Variants in ZNF236 observed in about 807,000 individuals in gnomAD.
ZNF236 encodes the protein zinc finger protein 236.
A neutral mutation model predicts 191.2 loss-of-function variants in ZNF236; 50 were observed. The ratio of observed to expected loss-of-function variants is 0.26; its 90% CI spans 0.21 to 0.33. The LOEUF (loss-of-function observed/expected upper bound fraction) is 0.33, where lower values mean the gene tolerates loss of function less well. ZNF236 is among the 10% of genes least tolerant of loss of function. The pLI, the probability that ZNF236 is intolerant of heterozygous loss-of-function variation, is 1.00. For synonymous variants in ZNF236, 907 were observed against 928.8 expected (o/e 0.98, Z 0.43); for missense variants, 1,754 against 2,374.5 (o/e 0.74, Z 5.43).
chr18:76,948,660 T>C (rs1474543711), intron 27 of ZNF236, among the ~76,000 whole-genome samples: 1 of 152,212 alleles, frequency 6.6e-6, no homozygotes, highest in Non-Finnish European at 1.5e-5. Flanking sequence ...CGGACACTGC[T>C]GATTCTCCCA....
In ZNF236 at chr18:76,899,120, A is replaced by C. The variant is rs909421166; in HGVS notation, c.1792A>C (p.Lys598Gln). 2 of 1,614,204 alleles carry C rather than the reference A, an allele frequency of 1.2e-6. No individual in the cohort carries two copies. The highest frequency in any genetic ancestry group is 2.7e-5 in the African/African-American group (2 of 75,064). The change falls in exon 11 of 31, where the codon AAA becomes CAA. Residue 598 changes from lysine to glutamine, a missense_variant. Transcript: ENST00000320610. Reference sequence around the variant, plus strand: ...CCACTTTAAACATACGGAATTAAGGAAAATGAGGCACCAGCGTAAACCTGC... The same window carrying C: ...CCACTTTAAACATACGGAATTAAGGCAAATGAGGCACCAGCGTAAACCTGC... ...ASHFKHTELR[K>Q]MRHQRKPAKV... is the part of the protein sequence containing the mutation.
Position 76,971,984 on chromosome 18 carries a change from TC to T in ZNF236, c.*3647del, listed in dbSNP as rs1043263804. Among the ~76,000 whole-genome samples the T allele has an allele frequency of 6.6e-6, 1 of 152,248 alleles. No homozygotes were observed. Among genetic ancestry groups the T allele is most frequent in the African/African-American group, 2.4e-5 (1 of 41,468 alleles). On this transcript the variant is annotated 3_prime_UTR_variant, in exon 31 of 31. Coordinates refer to ENST00000320610, the MANE Select transcript of ZNF236 (RefSeq NM_001306089.2). ...TTGATCGTTGCGAATGTATCCCTTT[TC>T]CAAGACCTACTGCATAGGAAGTAAG...
At chr18:76,937,094 T>C (rs1968020502) in intron 25 of ZNF236, 62 bp from the exon 26 acceptor site, 4 of 1,522,884 alleles carry the variant, frequency 2.6e-6, no homozygotes, top group South Asian at 2.4e-5. Context: ...GCTCTCCCTA[T>C]GCCCTTACAC....
At chr18:76,944,320 G>A (rs771795273) in intron 26 of ZNF236, among the ~76,000 whole-genome samples, 1 of 152,168 alleles carries the variant, frequency 6.6e-6, no homozygotes, top group Admixed American at 6.5e-5. Context: ...CTTTACCTCA[G>A]TGTAAACCAA....
chr18:76,891,341 A>G (rs1010432727), intron 9 of ZNF236, among the ~76,000 whole-genome samples: 2 of 152,232 alleles, frequency 1.3e-5, no homozygotes, highest in Non-Finnish European at 2.9e-5. Context: ...CATTATGGAA[A>G]GATAACCTCT....
In ZNF236 at chr18:76,956,022, A is replaced by G; in HGVS notation, c.4952A>G (p.Gln1651Arg). ...GVSGNLAPGN[Q>R]PEKEGRAHQC... Reference sequence around the variant, plus strand: ...TCTGGGAACCTGGCCCCGGGCAACCAGCCAGAGAAGGAGGGCCGGGCGCAC... The same window carrying G: ...TCTGGGAACCTGGCCCCGGGCAACCGGCCAGAGAAGGAGGGCCGGGCGCAC... Residue 1651 changes from glutamine (Q) to arginine (R), a missense_variant, in exon 28 of 31, where the codon CAG becomes CGG. By Grantham distance (43) the Gln-to-Arg change is conservative. Coordinates refer to ENST00000320610, the MANE Select transcript of ZNF236 (RefSeq NM_001306089.2). 6.2e-7 allele frequency: 1 copy of G among 1,610,772 alleles called. No homozygotes were observed. The highest frequency in any genetic ancestry group is 8.5e-7 in the Non-Finnish European group (1 of 1,179,612).
At position 76,915,732 on chromosome 18, in the gene ZNF236, C is replaced by T; in HGVS notation, c.3147C>T (p.Ser1049=). The part of the protein sequence containing the change: ...SLTRHMATHM[S]MKPYKCPFCE... ...CCCGGCACATGGCCACACATATGAG[C>T]ATGAAGCCTTATAAGTGTCCGTTTT... The change falls in exon 19 of 31, where the codon AGC becomes AGT. Residue 1049 remains serine, a synonymous_variant. Transcript: ENST00000320610. The T allele has an allele frequency of 6.2e-7, 1 of 1,614,128 alleles. No homozygotes were observed.
intron 5 of ZNF236, among the ~76,000 whole-genome samples, chr18:76,874,753 G>A (rs1477579227): frequency 7.2e-6 from 1 of 138,264 alleles, no homozygotes; most frequent in Non-Finnish European, 1.5e-5. Flanking sequence ...AACCGCCCAG[G>A]CGGCGGATTT....
intron 26 of ZNF236, among the ~76,000 whole-genome samples, chr18:76,939,391 G>A (rs751577381): frequency 2.6e-5 from 4 of 152,140 alleles, no homozygotes; most frequent in Non-Finnish European, 4.4e-5. Flanking sequence ...TGACTGGGGT[G>A]TGCTTTCCTA....
Position 76,871,838 on chromosome 18 carries a change from T to C in ZNF236, c.667+13T>C, listed in dbSNP as rs747002929. 1.2e-6 allele frequency: 2 copies of C among 1,614,088 alleles called. No individual in the cohort carries two copies. The highest frequency in any genetic ancestry group is 1.7e-6 in the Non-Finnish European group (2 of 1,179,978). On this transcript the variant is annotated intron_variant, in intron 5 of 30. Transcript: ENST00000320610. The stretch of plus-strand genomic sequence containing the variant: ...AGGATACACACAGGTATGAAAACAC[T>C]GACTTCTGGATGACTGACCGTGTGG...
chr18:76,956,996 C>T (rs1968539653), intron 28 of ZNF236, among the ~76,000 whole-genome samples: 1 of 152,194 alleles, frequency 6.6e-6, no homozygotes, highest in South Asian at 2.1e-4. Flanking sequence ...AACCCCGTAA[C>T]ATGAGAAAAA....
intron 20 of ZNF236, among the ~76,000 whole-genome samples, chr18:76,922,091 C>T (rs1433063322): frequency 2.0e-5 from 3 of 152,056 alleles, no homozygotes; most frequent in African/African-American, 4.8e-5. Context: ...TATTTTTCTT[C>T]GTCAGTATCT....
Position 76,880,703 on chromosome 18 carries a change from A to G in ZNF236, c.1188+387A>G, listed in dbSNP as rs1481070336. ...TGTTGACAATTCTGAGAGCGTTCATACTGCCTGGCCTTCTCTCGTGGGTGT... is the reference window on the plus strand; with the variant it reads ...TGTTGACAATTCTGAGAGCGTTCATGCTGCCTGGCCTTCTCTCGTGGGTGT... On this transcript the variant is annotated intron_variant, in intron 8 of 30. Coordinates refer to ENST00000320610, the MANE Select transcript of ZNF236 (RefSeq NM_001306089.2). The surrounding 1 kb of genome is among the most constrained non-coding windows in gnomAD (Gnocchi z 5.0). Among the ~76,000 whole-genome samples, 4 of 152,164 alleles carry G rather than the reference A, an allele frequency of 2.6e-5. No homozygotes were observed.
rs11150989 is a variant in ZNF236 at position 76,915,895 on chromosome 18, C to T, written c.3274+36C>T. 10,392 of 1,577,372 alleles carry T rather than the reference C, an allele frequency of 6.6e-3. 466 individuals carry two copies. In the African/African-American group the frequency reaches 0.11, roughly 16 times the overall value. On this transcript the variant is annotated intron_variant, in intron 19 of 30. Transcript: ENST00000320610. ...TTTGTTGATTCAAGGTGTATTAACC[C>T]GATGCTAATTTAGGAATAAATCCAT...
At chr18:76,849,698 T>C (rs766373445) in intron 2 of ZNF236, 30 bp downstream of exon 2, 99 of 1,473,284 alleles carry the variant, frequency 6.7e-5, no homozygotes, top group Non-Finnish European at 8.4e-5. Flanking sequence ...ATGTCAGGAA[T>C]GTGAGCGTTG....
At chr18:76,907,043 G>A (rs999278928) in intron 13 of ZNF236, among the ~76,000 whole-genome samples, 2 of 152,242 alleles carry the variant, frequency 1.3e-5, no homozygotes, top group African/African-American at 4.8e-5. Context: ...TTAGGTTAGA[G>A]TGGCTTTTAC....
rs1568210600 is a variant in ZNF236, at chr18:76,881,416, C to T, written c.1321C>T (p.Pro441Ser). 6.2e-7 allele frequency: 1 copy of T among 1,613,830 alleles called. No homozygotes were observed. The highest frequency in any genetic ancestry group is 1.1e-5 in the South Asian group (1 of 91,040). ...CAGCGTTTCAAATGAGCAGACGGAC[C>T]CCACAGACGCAGAGCAAGAAAAAGA... is the stretch of plus-strand genomic sequence containing the variant. Reference protein sequence around the residue: ...VSSVSNEQTDPTDAEQEKEQE... With the variant: ...VSSVSNEQTDSTDAEQEKEQE... The change falls in exon 9 of 31, where the codon CCC becomes TCC. Residue 441 changes from proline (P) to serine (S), a missense_variant. Physicochemically the swap from Pro to Ser is moderately conservative, Grantham distance 74. Transcript: ENST00000320610.
chr18:76,905,545 GAAAAAAAAAAAAA>G (rs1159878664), intron 13 of ZNF236, 130 bp downstream of exon 13: 5 of 68,148 alleles, frequency 7.3e-5, no homozygotes, highest in Non-Finnish European at 1.7e-4. Context: ...ATGGGCTCAA[GAAAAAAAAAAAAA>G]AAAAAAAAAA....
chr18:76,922,558 G>A (rs1599397063), intron 20 of ZNF236, among the ~76,000 whole-genome samples: 1 of 142,326 alleles, frequency 7.0e-6, no homozygotes, highest in East Asian at 2.0e-4. Context: ...TAAGGAAATT[G>A]TCTTTTTTTT....
Sources: gnomAD v4.1 joint callset for allele counts (sites outside exome capture counted in the v4.1 genomes callset) on GRCh38, gnomAD v4.1.1 for gene constraint, Gnocchi (gnomAD v3.1) non-coding constraint, MANE v1.5 for transcripts, NCBI Gene and HGNC (gene_info 2026-07-23, HGNC 2026-07-21) for gene names.